Variants in SCAF8 observed in about 807,000 individuals in gnomAD.
The protein encoded by SCAF8 is SR-related and CTD-associated factor 8.
Under a neutral mutation model 140.5 loss-of-function variants are expected in SCAF8, and 23 were observed. That is an observed-to-expected ratio of 0.16 (90% CI 0.12 to 0.23). The LOEUF is 0.23. Ranked by LOEUF, SCAF8 falls within the 10% of genes least tolerant of loss-of-function variation. The pLI is 1.00. For synonymous variants in SCAF8, 575 were observed against 528.9 expected, an observed-to-expected ratio of 1.09 and a Z score of -1.20; for missense variants, 1,397 against 1,555.7, an observed-to-expected ratio of 0.90 and a Z score of 1.72.
At chr6:154,822,471 G>A (rs545261191) in intron 16 of SCAF8, 62 bp downstream of exon 16, 1 of 1,475,128 alleles carries the variant, frequency 6.8e-7, no homozygotes, top group African/African-American at 1.4e-5. Flanking sequence ...TTTTAATCAT[G>A]TATTTACTTT....
intron 3 of SCAF8, among the ~76,000 whole-genome samples, chr6:154,781,322 G>T (rs1208711101): frequency 1.3e-5 from 2 of 152,142 alleles, no homozygotes; most frequent in African/African-American, 4.8e-5. Context: ...ACAAACCACT[G>T]CTCAAGGAAA....
chr6:154,796,953 C>G (rs559012769), intron 6 of SCAF8, among the ~76,000 whole-genome samples: 1 of 149,030 alleles, frequency 6.7e-6, no homozygotes, highest in East Asian at 2.0e-4. Context: ...GCCTGGGTGA[C>G]AGAGTGAGAC....
At position 154,733,601 on chromosome 6, in the gene SCAF8, A is replaced by G. The variant is rs963188332; in HGVS notation, c.-300A>G. The G allele has an allele frequency of 4.7e-5, 61 of 1,290,468 alleles. No homozygotes were observed. In the East Asian group the frequency reaches 1.8e-3, roughly 38 times the overall value. The allele number at this position is 1,290,468 out of a possible 1,614,324, so 79.9% of individuals were successfully genotyped here. Reference sequence around the variant, plus strand: ...GGACCGAAACGGAGCGGGGCAGAGAAGAGAAGGCGCCGCGGCCCAGCCCCT... The same window carrying G: ...GGACCGAAACGGAGCGGGGCAGAGAGGAGAAGGCGCCGCGGCCCAGCCCCT... On this transcript the variant is annotated 5_prime_UTR_variant, in exon 1 of 20. Transcript: ENST00000367178.
In SCAF8 at chr6:154,824,378, G is replaced by C. The variant is rs1202737884; in HGVS notation, c.2071G>C (p.Gly691Arg). ...TTTTAACCCTTCACAACCACCACCTGGTAAGGAATTTTTGTTTTAATATTT... is the reference window on the plus strand; with the variant it reads ...TTTTAACCCTTCACAACCACCACCTCGTAAGGAATTTTTGTTTTAATATTT... ...ASFNPSQPPPGFMPPPVPPPV... is the reference protein window; with the variant it reads ...ASFNPSQPPPRFMPPPVPPPV... Residue 691 changes from glycine (G) to arginine (R), a missense_variant and splice_region_variant, in exon 17 of 20, where the codon GGT becomes CGT. Coordinates refer to ENST00000367178, the MANE Select transcript of SCAF8 (RefSeq NM_014892.5). 6.2e-7 allele frequency: 1 copy of C among 1,609,336 alleles called. No homozygotes were observed. Among genetic ancestry groups the C allele is most frequent in the African/African-American group, 1.3e-5 (1 of 74,720 alleles).
At position 154,792,897 on chromosome 6, in the gene SCAF8, G is replaced by A; in HGVS notation, c.396G>A (p.Leu132=). Residue 132 remains leucine, a synonymous_variant, in exon 5 of 20, where the codon TTG becomes TTA. Transcript: ENST00000367178. The part of the protein sequence containing the change: ...VFKSEIIQPL[L]DMAAGIPPPV... ...AGAGTGAGATTATTCAGCCCCTTTTGGATATGGCAGCCGGGATTCCGCCTC... is the reference window on the plus strand; with the variant it reads ...AGAGTGAGATTATTCAGCCCCTTTTAGATATGGCAGCCGGGATTCCGCCTC... The A allele has an allele frequency of 1.9e-6, 3 of 1,613,806 alleles. No homozygotes were observed. The highest frequency in any genetic ancestry group is 2.2e-5 in the East Asian group (1 of 44,850).
intron 8 of SCAF8, 116 bp from the exon 9 acceptor site, chr6:154,805,253 C>CAAAAAAGTCA: frequency 3.5e-6 from 2 of 573,172 alleles, no homozygotes; most frequent in Non-Finnish European, 6.3e-6. Flanking sequence ...CAAAAGAAAA[C>CAAAAAAGTCA]ATGCAGTAGA....
At chr6:154,822,671 T>C (rs1778455103) in intron 16 of SCAF8, among the ~76,000 whole-genome samples, 1 of 152,208 alleles carries the variant, frequency 6.6e-6, no homozygotes, top group Non-Finnish European at 1.5e-5. Flanking sequence ...TTTTTTTAGG[T>C]TCATGTTTTT....
intron 1 of SCAF8, among the ~76,000 whole-genome samples, chr6:154,767,187 A>G (rs1413161691): frequency 6.6e-6 from 1 of 152,212 alleles, no homozygotes; most frequent in Admixed American, 6.5e-5. Flanking sequence ...CTGTGCAACC[A>G]AAAGACTGGT....
chr6:154,777,975 C>T, intron 2 of SCAF8, 26 bp from the exon 3 acceptor site: 1 of 1,424,906 alleles, frequency 7.0e-7, no homozygotes, highest in Non-Finnish European at 9.9e-7. Context: ...ATTTTAAAAC[C>T]ATACTTCATT....
chr6:154,740,143 G>A (rs757942263), intron 1 of SCAF8, among the ~76,000 whole-genome samples: 36 of 152,002 alleles, frequency 2.4e-4, no homozygotes, highest in Non-Finnish European at 5.1e-4. Context: ...ATATTAATTA[G>A]TATTATAAAG....
chr6:154,824,219 G>C lies in SCAF8; in HGVS notation c.1927-15G>C, dbSNP rs1778499042. ...AATAAACTGATGAGTGAACTTTTTT[G>C]TCTATCCACAAAAGATTCCAGTGGC... On this transcript the variant is annotated splice_polypyrimidine_tract_variant and intron_variant, in intron 16 of 19. Coordinates refer to ENST00000367178, the MANE Select transcript of SCAF8 (RefSeq NM_014892.5). The C allele has an allele frequency of 1.2e-6, 2 of 1,607,634 alleles. No homozygotes were observed.
chr6:154,822,520 T>C, intron 16 of SCAF8, 111 bp downstream of exon 16: 1 of 1,126,396 alleles, frequency 8.9e-7, no homozygotes. Context: ...AGAATAAATG[T>C]TTGTCAGTAG....
intron 18 of SCAF8, among the ~76,000 whole-genome samples, chr6:154,829,963 A>T (rs1778684545): frequency 6.6e-6 from 1 of 152,176 alleles, no homozygotes; most frequent in Admixed American, 6.5e-5. Context: ...ATTAGGAAGA[A>T]TTGTTTATTC....
At chr6:154,794,325 A>C (rs565752749) in intron 5 of SCAF8, among the ~76,000 whole-genome samples, 1 of 152,102 alleles carries the variant, frequency 6.6e-6, no homozygotes, top group Non-Finnish European at 1.5e-5. Flanking sequence ...TTTTGTCTCT[A>C]AAGTAAGATT....
chr6:154,779,305 G>A (rs1186249075), intron 3 of SCAF8, among the ~76,000 whole-genome samples: 4 of 152,172 alleles, frequency 2.6e-5, no homozygotes, highest in African/African-American at 7.2e-5. Flanking sequence ...CAAAAGTGCT[G>A]GGATTATAGG....
At chr6:154,741,066 T>C (rs1403868015) in intron 1 of SCAF8, among the ~76,000 whole-genome samples, 2 of 152,206 alleles carry the variant, frequency 1.3e-5, no homozygotes, top group Admixed American at 1.3e-4. Context: ...TTCAGTTAGG[T>C]TAAGTCCATT....
At chr6:154,792,038 G>C (rs1001521227) in intron 4 of SCAF8, among the ~76,000 whole-genome samples, 3 of 151,952 alleles carry the variant, frequency 2.0e-5, no homozygotes, top group Admixed American at 6.6e-5. Context: ...AAATGGTAAA[G>C]GATTCAAATT....
At chr6:154,786,061 A>G (rs948011445) in intron 3 of SCAF8, among the ~76,000 whole-genome samples, 7 of 152,222 alleles carry the variant, frequency 4.6e-5, no homozygotes, top group Admixed American at 1.3e-4. Context: ...GAGAATTGCA[A>G]TGGAGAATGA....
chr6:154,827,279 AGTG>A (rs1778594004), intron 18 of SCAF8, 39 bp downstream of exon 18: 2 of 1,400,264 alleles, frequency 1.4e-6, no homozygotes, highest in Non-Finnish European at 2.0e-6. Flanking sequence ...TATTCATGGT[AGTG>A]TTAATTTTAG....
Sources: allele counts gnomAD v4.1 joint callset (sites outside exome capture counted in the v4.1 genomes callset), GRCh38; gene constraint gnomAD v4.1.1; transcripts MANE v1.5; gene names NCBI Gene and HGNC (gene_info 2026-07-23, HGNC 2026-07-21).